The following EEPD1 variants were observed in gnomAD, a reference collection of about 807,000 sequenced individuals.
The protein encoded by EEPD1 is endonuclease/exonuclease/phosphatase family domain containing 1, also known as endonuclease/exonuclease/phosphatase family domain-containing protein 1.
In EEPD1, 17 loss-of-function variants were observed where a neutral mutation model predicts 46.3. The ratio of observed to expected loss-of-function variants is 0.37; its 90% CI spans 0.25 to 0.55. EEPD1 has a LOEUF of 0.55. Among genes scored for constraint, EEPD1 ranks in the 20% least tolerant of loss-of-function variants. The pLI is 0.83. For missense variants in EEPD1, 673 were observed against 745.6 expected (o/e 0.90, Z 1.13); for synonymous variants, 313 against 315.6 (o/e 0.99, Z 0.09).
intron 2 of EEPD1, among the ~76,000 whole-genome samples, chr7:36,234,757 T>C (rs1027370389): frequency 1.3e-5 from 2 of 152,030 alleles, no homozygotes; most frequent in Non-Finnish European, 2.9e-5. Context: ...CCGTAGAACC[T>C]GTGCGGGTTG....
intron 6 of EEPD1, among the ~76,000 whole-genome samples, chr7:36,293,229 G>T (rs551262162): frequency 3.5e-4 from 53 of 152,228 alleles, no homozygotes; most frequent in Non-Finnish European, 7.4e-4. Flanking sequence ...CTTCAGTGAA[G>T]AATTTTTTTA....
intron 2 of EEPD1, among the ~76,000 whole-genome samples, chr7:36,205,766 A>G (rs1785802762): frequency 6.6e-6 from 1 of 152,256 alleles, no homozygotes; most frequent in African/African-American, 2.4e-5. Context: ...AGTAGCAAGC[A>G]TAAACCAGGT....
chr7:36,224,244 C>G (rs1295994984), intron 2 of EEPD1, among the ~76,000 whole-genome samples: 1 of 152,166 alleles, frequency 6.6e-6, no homozygotes, highest in Non-Finnish European at 1.5e-5. Context: ...TCATCATCAC[C>G]CCTGTTCAGT....
chr7:36,188,989 G>A (rs1468232534), intron 2 of EEPD1, among the ~76,000 whole-genome samples: 1 of 152,210 alleles, frequency 6.6e-6, no homozygotes, highest in Non-Finnish European at 1.5e-5. Flanking sequence ...CCTGTTTACT[G>A]GATAACCAGT....
chr7:36,154,342 C>G lies in EEPD1; in HGVS notation c.18C>G (p.Gly6=). The G allele has an allele frequency of 6.2e-7, 1 of 1,610,496 alleles. No homozygotes were observed. Among genetic ancestry groups the G allele is most frequent in the Non-Finnish European group, 8.5e-7 (1 of 1,179,744 alleles). The change falls in exon 2 of 8, where the codon GGC becomes GGG. Residue 6 remains glycine (G), a synonymous_variant. Transcript: ENST00000242108. This position sits in a 1 kb window ranked among gnomAD's most constrained non-coding sequence, Gnocchi z 4.2. MGSTL[G]CHRSIPRDPS... is the part of the protein sequence containing the mutation. ...GGCGGACCATGGGGAGCACCCTGGG[C>G]TGCCACCGCTCCATCCCCAGGGACC...
intron 3 of EEPD1, among the ~76,000 whole-genome samples, chr7:36,266,627 C>T (rs1208707362): frequency 6.6e-6 from 1 of 152,174 alleles, no homozygotes; most frequent in Non-Finnish European, 1.5e-5. Context: ...AACAATTCAG[C>T]GGCATTTAGG....
intron 3 of EEPD1, among the ~76,000 whole-genome samples, chr7:36,245,246 CCA>C (rs1389739569): frequency 1.3e-5 from 2 of 152,146 alleles, no homozygotes; most frequent in African/African-American, 4.8e-5. Context: ...CCGCGCCTGG[CCA>C]CAGAGTTGAT....
chr7:36,288,379 T>C (rs778003070), intron 6 of EEPD1, among the ~76,000 whole-genome samples: 4 of 152,060 alleles, frequency 2.6e-5, no homozygotes, highest in Non-Finnish European at 5.9e-5. Context: ...TAAGTAACAG[T>C]GTCTGCAGCA....
At chr7:36,270,377 T>C (rs908595072) in intron 3 of EEPD1, among the ~76,000 whole-genome samples, 1 of 152,196 alleles carries the variant, frequency 6.6e-6, no homozygotes, top group Non-Finnish European at 1.5e-5. Context: ...GTTACATAGG[T>C]ATACACGTGC....
At chr7:36,171,593 C>T (rs1244133309) in intron 2 of EEPD1, among the ~76,000 whole-genome samples, 12 of 152,170 alleles carry the variant, frequency 7.9e-5, no homozygotes, top group Non-Finnish European at 1.0e-4. Flanking sequence ...TATGTCTGTA[C>T]GTGTCTCCAC....
Position 36,296,423 on chromosome 7 carries a change from C to G in EEPD1, c.1316-570C>G, listed in dbSNP as rs111939926. 2.4e-3 allele frequency among the ~76,000 whole-genome samples: 367 copies of G among 152,304 alleles called. 1 individual carries two copies. The highest frequency in any genetic ancestry group is 8.2e-3 in the African/African-American group (342 of 41,554). ...CTCCCTGGCCTTGCATAGGTTCCCT[C>G]TCATCCATGTTGACCCAAGCACTTC... On this transcript the variant is annotated intron_variant, in intron 6 of 7. Transcript: ENST00000242108.
At chr7:36,284,588 G>A in intron 4 of EEPD1, 98 bp from the exon 5 acceptor site, 1 of 1,444,148 alleles carries the variant, frequency 6.9e-7, no homozygotes, top group Non-Finnish European at 9.3e-7. Context: ...AGCCAGAGTA[G>A]GGCCTACTGC....
chr7:36,200,100 GT>G (rs57314269), intron 2 of EEPD1, among the ~76,000 whole-genome samples: 32,766 of 150,726 alleles, frequency 0.22, 3,567 homozygotes, highest in Middle Eastern at 0.26. Flanking sequence ...GTACCCAATA[GT>G]TTTTTTTTTT....
At chr7:36,204,419 T>G (rs551923736) in intron 2 of EEPD1, among the ~76,000 whole-genome samples, 28 of 152,168 alleles carry the variant, frequency 1.8e-4, no homozygotes, top group Admixed American at 4.6e-4. Context: ...GCAATGATGA[T>G]GAGGAGGAGG....
intron 6 of EEPD1, among the ~76,000 whole-genome samples, chr7:36,292,933 A>G (rs1027381856): frequency 3.9e-4 from 60 of 152,204 alleles, no homozygotes; most frequent in African/African-American, 1.3e-3. Context: ...AGAATAGGAC[A>G]CAAAAGTGTC....
intron 3 of EEPD1, among the ~76,000 whole-genome samples, chr7:36,272,503 G>GTTT (rs768898390): frequency 1.3e-4 from 16 of 122,660 alleles, no homozygotes; most frequent in African/African-American, 4.4e-4. Context: ...GTTTTTTGTT[G>GTTT]TTGTTTTTTT....
rs1174184909 is a variant in EEPD1, at chr7:36,300,583, T to C, written c.*1377T>C. On this transcript the variant is annotated 3_prime_UTR_variant, in exon 8 of 8. Coordinates refer to ENST00000242108, the MANE Select transcript of EEPD1 (RefSeq NM_030636.3). ...GTATCCCATGGAAGCTGAGGACTTATTCCGCTTTCCACACCGAACACTAAA... is the reference window on the plus strand; with the variant it reads ...GTATCCCATGGAAGCTGAGGACTTACTCCGCTTTCCACACCGAACACTAAA... 6.6e-6 allele frequency: 1 copy of C among 152,262 alleles called. No individual in the cohort carries two copies. Among genetic ancestry groups the C allele is most frequent in the African/African-American group, 2.4e-5 (1 of 41,464 alleles). The allele number at this position is 152,262 out of a possible 1,614,324, so 9.4% of individuals were successfully genotyped here. A position where few individuals can be genotyped will look rare whatever the true frequency, so the allele number is the denominator to read the frequency against.
chr7:36,182,156 A>G (rs1785279217), intron 2 of EEPD1, among the ~76,000 whole-genome samples: 1 of 152,248 alleles, frequency 6.6e-6, no homozygotes, highest in South Asian at 2.1e-4. Context: ...ACTGTAGTCC[A>G]GCCACAAAGG....
At chr7:36,217,109 C>T (rs1035862858) in intron 2 of EEPD1, among the ~76,000 whole-genome samples, 15 of 152,366 alleles carry the variant, frequency 9.8e-5, no homozygotes, top group African/African-American at 3.4e-4. Flanking sequence ...AAAGTGAAAA[C>T]AAGTTTGTTA....
Sources: allele counts gnomAD v4.1 joint callset (sites outside exome capture counted in the v4.1 genomes callset), GRCh38; gene constraint gnomAD v4.1.1; non-coding constraint Gnocchi (gnomAD v3.1); transcripts MANE v1.5; gene names NCBI Gene and HGNC (gene_info 2026-07-23, HGNC 2026-07-21).